MCU: variants seen among roughly 807,000 people sequenced by gnomAD.
MCU encodes calcium uniporter protein, mitochondrial.
MCU carries 12 observed loss-of-function variants against 45.2 expected under a neutral mutation model. The ratio of observed to expected loss-of-function variants is 0.27; its 90% CI spans 0.17 to 0.43. The LOEUF is 0.43. Among genes scored for constraint, MCU ranks in the 20% least tolerant of loss-of-function variants. The pLI is 1.00. For synonymous variants in MCU, 160 were observed against 165.1 expected (o/e 0.97, Z 0.24); for missense variants, 324 against 436.7 (o/e 0.74, Z 2.30).
chr10:72,702,352 C>T (rs1227194404), intron 1 of MCU, among the ~76,000 whole-genome samples: 1 of 152,136 alleles, frequency 6.6e-6, no homozygotes, highest in East Asian at 1.9e-4. Context: ...ACTTTTATAA[C>T]ATTCTCTAGT....
intron 1 of MCU, among the ~76,000 whole-genome samples, chr10:72,695,749 C>T (rs1212649304): frequency 6.7e-6 from 1 of 149,752 alleles, no homozygotes; most frequent in Non-Finnish European, 1.5e-5. Flanking sequence ...CTTGCTTTGT[C>T]ACCCAGGCTG....
intron 1 of MCU, among the ~76,000 whole-genome samples, chr10:72,714,537 A>G (rs544363553): frequency 6.2e-4 from 94 of 151,324 alleles, no homozygotes; most frequent in Non-Finnish European, 9.7e-4. Context: ...GTGATTGTCA[A>G]ATATCTATTA....
chr10:72,752,296 A>G (rs1843513639), intron 1 of MCU, among the ~76,000 whole-genome samples: 1 of 149,816 alleles, frequency 6.7e-6, no homozygotes, highest in Non-Finnish European at 1.5e-5. Context: ...GGGTTTCACC[A>G]TGTTGGTCAG....
intron 1 of MCU, among the ~76,000 whole-genome samples, chr10:72,773,433 C>G (rs1360589590): frequency 1.3e-5 from 2 of 152,046 alleles, no homozygotes; most frequent in African/African-American, 4.8e-5. Context: ...TGAAAATATA[C>G]AGTCAGTGCA....
chr10:72,831,884 G>A (rs1844884230), intron 1 of MCU, among the ~76,000 whole-genome samples: 4 of 152,130 alleles, frequency 2.6e-5, no homozygotes, highest in Admixed American at 1.3e-4. Context: ...CAGTAATGTA[G>A]GAGGGAGAGT....
chr10:72,778,938 A>G (rs921410578), intron 1 of MCU, among the ~76,000 whole-genome samples: 2 of 152,164 alleles, frequency 1.3e-5, no homozygotes, highest in South Asian at 4.1e-4. Flanking sequence ...AGGATGGACT[A>G]TGGAATAGAA....
intron 1 of MCU, chr10:72,766,458 G>GA (rs1843728393): frequency 1.3e-5 from 2 of 152,102 alleles, no homozygotes; most frequent in African/African-American, 4.8e-5. Context: ...GACAACCTAT[G>GA]TTTATTCATT....
intron 1 of MCU, among the ~76,000 whole-genome samples, chr10:72,828,459 T>C (rs1448768402): frequency 1.3e-5 from 2 of 152,106 alleles, no homozygotes; most frequent in Non-Finnish European, 2.9e-5. Flanking sequence ...TCCCTCTCTT[T>C]CTCTTTCTCT....
chr10:72,815,227 G>A (rs540835769), intron 1 of MCU, among the ~76,000 whole-genome samples: 1 of 152,298 alleles, frequency 6.6e-6, no homozygotes, highest in East Asian at 1.9e-4. Flanking sequence ...CACTATATAT[G>A]GCTGTGTTGT....
chr10:72,788,138 G>C (rs1018245637), intron 1 of MCU, among the ~76,000 whole-genome samples: 11 of 152,252 alleles, frequency 7.2e-5, no homozygotes, highest in African/African-American at 2.7e-4. Flanking sequence ...GTTCTTTTCT[G>C]TGTTCAATTT....
intron 1 of MCU, among the ~76,000 whole-genome samples, chr10:72,737,022 G>A (rs1472860750): frequency 3.3e-5 from 5 of 152,230 alleles, no homozygotes; most frequent in Non-Finnish European, 7.3e-5. Context: ...TTCTAGTCTT[G>A]TTAGTGAAGC....
At chr10:72,790,051 G>A (rs2132763248) in intron 1 of MCU, among the ~76,000 whole-genome samples, 1 of 152,264 alleles carries the variant, frequency 6.6e-6, no homozygotes, top group Middle Eastern at 3.4e-3. Flanking sequence ...TTCTAATTCA[G>A]ACAGTGGTTT....
chr10:72,805,137 T>TTCTTTC (rs1306341272), intron 1 of MCU, among the ~76,000 whole-genome samples: 1 of 138,706 alleles, frequency 7.2e-6, no homozygotes, highest in Non-Finnish European at 1.5e-5. Flanking sequence ...CTTTCTTTCT[T>TTCTTTC]TCTTTCTTTC....
intron 2 of MCU, among the ~76,000 whole-genome samples, chr10:72,838,023 A>ATT (rs572308436): frequency 1.3e-3 from 188 of 146,266 alleles, no homozygotes; most frequent in African/African-American, 4.6e-3. Flanking sequence ...CGCCTGGCTA[A>ATT]TTTTTTTTTT....
At chr10:72,800,809 G>A (rs1052824920) in intron 1 of MCU, among the ~76,000 whole-genome samples, 1 of 152,138 alleles carries the variant, frequency 6.6e-6, no homozygotes, top group African/African-American at 2.4e-5. Context: ...ACAATCTAAG[G>A]TGTTGGATTA....
At chr10:72,827,156 A>T (rs1002439072) in intron 1 of MCU, among the ~76,000 whole-genome samples, 13 of 152,168 alleles carry the variant, frequency 8.5e-5, no homozygotes, top group Admixed American at 8.5e-4. Context: ...TTACATTCTG[A>T]CTTTATTCCC....
intron 1 of MCU, among the ~76,000 whole-genome samples, chr10:72,790,022 A>T (rs1589460969): frequency 6.6e-6 from 1 of 152,100 alleles, no homozygotes; most frequent in East Asian, 1.9e-4. Context: ...TACACTTCTG[A>T]TATATTTGCT....
At chr10:72,718,663 A>G (rs967114463) in intron 1 of MCU, among the ~76,000 whole-genome samples, 1 of 152,218 alleles carries the variant, frequency 6.6e-6, no homozygotes, top group Non-Finnish European at 1.5e-5. Context: ...TTATGTGTCT[A>G]TCTATATTCA....
At chr10:72,738,101 T>C (rs1307453383) in intron 1 of MCU, among the ~76,000 whole-genome samples, 4 of 152,098 alleles carry the variant, frequency 2.6e-5, no homozygotes, top group African/African-American at 9.7e-5. Flanking sequence ...GGGAACAGAG[T>C]TACAGTCTAA....
Sources: allele counts gnomAD v4.1 joint callset (sites outside exome capture counted in the v4.1 genomes callset), GRCh38; gene constraint gnomAD v4.1.1; transcripts MANE v1.5; gene names NCBI Gene and HGNC (gene_info 2026-07-23, HGNC 2026-07-21).